Variants in CMTM7 observed in about 807,000 individuals in gnomAD.
The protein encoded by CMTM7 is CKLF like MARVEL transmembrane domain containing 7.
In CMTM7, 7 loss-of-function variants were observed where a neutral mutation model predicts 19.3. The observed-to-expected ratio is 0.36, with a 90% CI of 0.21 to 0.68. CMTM7 has a LOEUF of 0.68. CMTM7 is among the 30% of genes least tolerant of loss of function. The probability of loss-of-function intolerance (pLI) is 0.60; values close to 1 mark genes in which losing one functional copy is unlikely to be tolerated. For synonymous variants in CMTM7, 87 were observed against 99.3 expected, an observed-to-expected ratio of 0.88 and a Z score of 0.74; for missense variants, 193 against 232.6, an observed-to-expected ratio of 0.83 and a Z score of 1.11.
chr3:32,416,680 A>G (rs948365188), intron 1 of CMTM7, among the ~76,000 whole-genome samples: 1 of 152,106 alleles, frequency 6.6e-6, no homozygotes, highest in African/African-American at 2.4e-5. Flanking sequence ...GTGAGCCACC[A>G]CGCCCAACCA....
chr3:32,439,009 G>T (rs966657319), intron 1 of CMTM7, among the ~76,000 whole-genome samples: 1 of 152,158 alleles, frequency 6.6e-6, no homozygotes, highest in African/African-American at 2.4e-5. Context: ...AATGATACTT[G>T]AGTTCTTGAG....
intron 1 of CMTM7, among the ~76,000 whole-genome samples, chr3:32,417,630 A>C (rs1348802150): frequency 6.6e-6 from 1 of 152,252 alleles, no homozygotes; most frequent in Non-Finnish European, 1.5e-5. Context: ...AATGTATAAG[A>C]AACTGCAAAG....
chr3:32,430,999 A>C (rs1696510028), intron 1 of CMTM7, among the ~76,000 whole-genome samples: 1 of 152,216 alleles, frequency 6.6e-6, no homozygotes, highest in Non-Finnish European at 1.5e-5. Flanking sequence ...CCAATATACC[A>C]TTCAAGGTTT....
In CMTM7 at chr3:32,402,173, G is replaced by T. The variant is rs535230668; in HGVS notation, c.159+10108G>T. On this transcript the variant is annotated intron_variant, in intron 1 of 4. Coordinates refer to ENST00000334983, the MANE Select transcript of CMTM7 (RefSeq NM_138410.4). The stretch of plus-strand genomic sequence containing the variant: ...GTGGCCCAGACTGGAGTGCAGTGGT[G>T]CAATCTTGGCTCACTGCAGCCTCCT... Among the ~76,000 whole-genome samples, 12 of 151,800 alleles carry T rather than the reference G, an allele frequency of 7.9e-5. No individual in the cohort carries two copies. In the East Asian group the frequency reaches 2.4e-3, roughly 30 times the overall value.
chr3:32,420,033 T>A (rs1696321376), intron 1 of CMTM7, among the ~76,000 whole-genome samples: 1 of 152,216 alleles, frequency 6.6e-6, no homozygotes, highest in Admixed American at 6.5e-5. Context: ...GGAAGAAGTA[T>A]TTGAGTCCAG....
intron 2 of CMTM7, among the ~76,000 whole-genome samples, chr3:32,445,448 C>T (rs1306202268): frequency 6.6e-6 from 1 of 151,998 alleles, no homozygotes; most frequent in South Asian, 2.1e-4. Context: ...ATGCTTTTTC[C>T]GTATCTACTG....
At chr3:32,416,192 T>A (rs1298034142) in intron 1 of CMTM7, among the ~76,000 whole-genome samples, 1 of 117,106 alleles carries the variant, frequency 8.5e-6, no homozygotes, top group Admixed American at 9.0e-5. Flanking sequence ...ACATAAGTAC[T>A]TTTTTGTGTT....
rs1372852560 is a variant in CMTM7, at chr3:32,454,427, AG to A, written c.*174del. 1 of 780,270 alleles carries A rather than the reference AG, an allele frequency of 1.3e-6. No homozygotes were observed. The highest frequency in any genetic ancestry group is 2.7e-5 in the East Asian group (1 of 37,528). The allele number at this position is 780,270 out of a possible 1,614,324, so 48.3% of individuals were successfully genotyped here. ...AGGAAGCCAGCTCCCTGAGCTCCTG[AG>A]CCAGCCGGAAACTCTTCCTCCAGCC... On this transcript the variant is annotated 3_prime_UTR_variant, in exon 5 of 5. Transcript: ENST00000334983.
chr3:32,429,397 G>A lies in CMTM7; in HGVS notation c.160-12443G>A, dbSNP rs536532278. Among the ~76,000 whole-genome samples the A allele has an allele frequency of 6.6e-5, 10 of 150,562 alleles. No homozygotes were observed. The East Asian group carries it at 1.8e-3, about 27-fold the overall frequency. On this transcript the variant is annotated intron_variant, in intron 1 of 4. Coordinates refer to ENST00000334983, the MANE Select transcript of CMTM7 (RefSeq NM_138410.4). ...AAACCTCCACCTCCTGGGTTCAAGT[G>A]ATCCTCCCACCTCAGCCTCCCGAGT...
intron 1 of CMTM7, among the ~76,000 whole-genome samples, chr3:32,409,115 T>C (rs1166683048): frequency 2.6e-5 from 4 of 152,116 alleles, no homozygotes; most frequent in African/African-American, 9.7e-5. Context: ...TCTCTTTCCC[T>C]CATGATACGC....
intron 1 of CMTM7, among the ~76,000 whole-genome samples, chr3:32,400,851 G>A (rs1163838995): frequency 6.6e-6 from 1 of 152,180 alleles, no homozygotes; most frequent in African/African-American, 2.4e-5. Flanking sequence ...TGCATACAAA[G>A]GAGGCTGTGA....
intron 1 of CMTM7, among the ~76,000 whole-genome samples, chr3:32,420,451 A>G (rs1210587564): frequency 2.6e-5 from 4 of 152,216 alleles, no homozygotes; most frequent in Non-Finnish European, 5.9e-5. Flanking sequence ...TTCTGAAGGG[A>G]GGTCTTTGTT....
intron 1 of CMTM7, among the ~76,000 whole-genome samples, chr3:32,398,261 CTT>C (rs1485514267): frequency 4.6e-5 from 7 of 152,242 alleles, no homozygotes; most frequent in African/African-American, 1.7e-4. Flanking sequence ...AGGATAGACT[CTT>C]TCTGCCTGTG....
intron 1 of CMTM7, among the ~76,000 whole-genome samples, chr3:32,437,795 G>A (rs1200037217): frequency 6.6e-6 from 1 of 152,120 alleles, no homozygotes; most frequent in African/African-American, 2.4e-5. Flanking sequence ...TGAGGCTGAG[G>A]TAGGAGAATC....
chr3:32,410,461 G>T (rs1455133052), intron 1 of CMTM7, among the ~76,000 whole-genome samples: 1 of 152,228 alleles, frequency 6.6e-6, no homozygotes, highest in Admixed American at 6.5e-5. Flanking sequence ...AGAGACTTGG[G>T]TCTTCTCCAG....
chr3:32,397,674 C>T lies in CMTM7; in HGVS notation c.159+5609C>T, dbSNP rs567305376. Among the ~76,000 whole-genome samples the T allele has an allele frequency of 7.3e-5, 11 of 151,552 alleles. No individual in the cohort carries two copies. In the South Asian group the frequency reaches 1.7e-3, roughly 23 times the overall value. On this transcript the variant is annotated intron_variant, in intron 1 of 4. Coordinates refer to ENST00000334983, the MANE Select transcript of CMTM7 (RefSeq NM_138410.4). ...TCTTGAACCCGGGAGGCAGAGGTTG[C>T]GGTGAGCCGAGATCGCAGCATTGCA...
intron 3 of CMTM7, 95 bp from the exon 4 acceptor site, chr3:32,452,297 T>C (rs1696849383): frequency 1.2e-6 from 2 of 1,605,156 alleles, no homozygotes; most frequent in Non-Finnish European, 1.7e-6. Flanking sequence ...GCCAGAGACA[T>C]GAAGGGAACA....
At chr3:32,437,673 G>T (rs1319342399) in intron 1 of CMTM7, among the ~76,000 whole-genome samples, 1 of 151,826 alleles carries the variant, frequency 6.6e-6, no homozygotes, top group East Asian at 1.9e-4. Context: ...CATGCAGATC[G>T]CAAGGTCAGG....
At chr3:32,452,757 C>CTT (rs369537908) in intron 4 of CMTM7, among the ~76,000 whole-genome samples, 73 of 140,720 alleles carry the variant, frequency 5.2e-4, no homozygotes, top group African/African-American at 1.8e-3. Flanking sequence ...CTTTACTTTT[C>CTT]TTTTTTTTTT....
Sources: allele counts gnomAD v4.1 joint callset (sites outside exome capture counted in the v4.1 genomes callset), GRCh38; gene constraint gnomAD v4.1.1; transcripts MANE v1.5; gene names NCBI Gene and HGNC (gene_info 2026-07-23, HGNC 2026-07-21).